The following HDAC9 variants were observed in gnomAD, a reference collection of about 807,000 sequenced individuals.
HDAC9 encodes the protein MEF-2 interacting transcription repressor (MITR) protein.
In HDAC9, 41 loss-of-function variants were observed where a neutral mutation model predicts 139.4. That is an observed-to-expected ratio of 0.29 (90% CI 0.23 to 0.38). The LOEUF is 0.38. HDAC9 is among the 10% of genes least tolerant of loss of function. HDAC9 has a pLI of 1.00. For missense variants in HDAC9, 1,147 were observed against 1,297.0 expected, an observed-to-expected ratio of 0.88 and a Z score of 1.78; for synonymous variants, 517 against 476.2, an observed-to-expected ratio of 1.09 and a Z score of -1.12.
At chr7:18,640,217 G>A (rs1268827877) in intron 8 of HDAC9, among the ~76,000 whole-genome samples, 4 of 150,192 alleles carry the variant, frequency 2.7e-5, no homozygotes, top group Admixed American at 6.6e-5. Flanking sequence ...GGGCAACATA[G>A]AAAGACCCTG....
intron 6 of HDAC9, among the ~76,000 whole-genome samples, chr7:18,608,973 G>T (rs1201510600): frequency 6.6e-6 from 1 of 152,046 alleles, no homozygotes; most frequent in Non-Finnish European, 1.5e-5. Flanking sequence ...GCCACCCGAG[G>T]AATATAGCTG....
chr7:18,692,648 C>A (rs1782752708), intron 12 of HDAC9, among the ~76,000 whole-genome samples: 1 of 152,084 alleles, frequency 6.6e-6, no homozygotes, highest in Non-Finnish European at 1.5e-5. Flanking sequence ...GTGGGCCACG[C>A]AAACTAATGG....
At chr7:18,835,877 G>A (rs747673584) in intron 20 of HDAC9, 23 bp from the exon 21 acceptor site, 9 of 1,464,682 alleles carry the variant, frequency 6.1e-6, no homozygotes, top group South Asian at 2.5e-5. Context: ...TCTGCCCACC[G>A]TGGTGTGTCT....
intron 16 of HDAC9, among the ~76,000 whole-genome samples, chr7:18,792,465 A>T (rs1792408445): frequency 6.6e-6 from 1 of 152,032 alleles, no homozygotes; most frequent in Non-Finnish European, 1.5e-5. Flanking sequence ...TAAAAATATA[A>T]CATATGATAA....
intron 17 of HDAC9, among the ~76,000 whole-genome samples, chr7:18,822,655 A>G (rs1431100896): frequency 6.6e-6 from 1 of 152,082 alleles, no homozygotes; most frequent in East Asian, 1.9e-4. Context: ...ACCTGGCCAC[A>G]TATTTCTTTT....
At chr7:18,839,048 C>G (rs1055642785) in intron 21 of HDAC9, among the ~76,000 whole-genome samples, 1 of 151,818 alleles carries the variant, frequency 6.6e-6, no homozygotes, top group Non-Finnish European at 1.5e-5. Flanking sequence ...TTATTTCTTC[C>G]AAGCAGTTAT....
intron 11 of HDAC9, among the ~76,000 whole-genome samples, chr7:18,658,472 G>T (rs1013866756): frequency 1.3e-5 from 2 of 152,114 alleles, no homozygotes; most frequent in Non-Finnish European, 1.5e-5. Context: ...AAAAGATGAA[G>T]CAGCATTTAT....
intron 1 of HDAC9, among the ~76,000 whole-genome samples, chr7:18,328,035 T>A (rs1800604859): frequency 6.6e-6 from 1 of 151,946 alleles, no homozygotes; most frequent in Non-Finnish European, 1.5e-5. Context: ...CTGGAAAACA[T>A]CAGAGTGGAA....
chr7:18,411,343 G>T (rs1788527980), intron 1 of HDAC9, among the ~76,000 whole-genome samples: 1 of 152,122 alleles, frequency 6.6e-6, no homozygotes, highest in South Asian at 2.1e-4. Flanking sequence ...TTCATTTTTA[G>T]TACAGTATTC....
intron 1 of HDAC9, among the ~76,000 whole-genome samples, chr7:18,115,662 T>C (rs2128087643): frequency 6.6e-6 from 1 of 152,364 alleles, no homozygotes; most frequent in Non-Finnish European, 1.5e-5. Context: ...CAGTAACTCA[T>C]AGCAGCTATA....
At chr7:18,278,236 G>GT (rs1284553079) in intron 2 of HDAC9, among the ~76,000 whole-genome samples, 1 of 152,138 alleles carries the variant, frequency 6.6e-6, no homozygotes, top group Non-Finnish European at 1.5e-5. Flanking sequence ...TGTGAAATGG[G>GT]TACTCAGTGA....
At chr7:18,269,222 G>C (rs1039070785) in intron 2 of HDAC9, among the ~76,000 whole-genome samples, 3 of 152,042 alleles carry the variant, frequency 2.0e-5, no homozygotes, top group African/African-American at 7.2e-5. Flanking sequence ...ATGTAACGTG[G>C]AATATATATA....
At chr7:18,733,327 A>T (rs777180226) in intron 13 of HDAC9, among the ~76,000 whole-genome samples, 7 of 150,190 alleles carry the variant, frequency 4.7e-5, no homozygotes, top group Non-Finnish European at 8.9e-5. Flanking sequence ...ATACACATGT[A>T]TATATGTGTA....
Position 18,477,410 on chromosome 7 carries a change from CGT to C in HDAC9, c.-41-18838_-41-18837del, listed in dbSNP as rs141824569. 8.5e-4 allele frequency among the ~76,000 whole-genome samples: 129 copies of C among 151,044 alleles called. 1 individual carries two copies. Among genetic ancestry groups the C allele is most frequent in the African/African-American group, 2.8e-3 (114 of 41,194 alleles). On this transcript the variant is annotated intron_variant, in intron 1 of 3. Coordinates refer to the HDAC9 transcript ENST00000413509. ...TTATGTGTGCGTGCGTGCGTGCATG[CGT>C]GTGTGTGTGTGTGAAACAAATACAC...
chr7:18,339,748 A>G (rs548986873), intron 1 of HDAC9, among the ~76,000 whole-genome samples: 106 of 151,666 alleles, frequency 7.0e-4, no homozygotes, highest in African/African-American at 2.2e-3. Context: ...GGGATTAAAA[A>G]CATAACTTCT....
chr7:18,857,864 C>A (rs1434537151), intron 21 of HDAC9, among the ~76,000 whole-genome samples: 1 of 151,982 alleles, frequency 6.6e-6, no homozygotes, highest in Non-Finnish European at 1.5e-5. Context: ...TTCCCATTTT[C>A]AATGGGAATT....
intron 2 of HDAC9, among the ~76,000 whole-genome samples, chr7:18,572,639 A>G (rs1189978970): frequency 6.6e-6 from 1 of 152,120 alleles, no homozygotes; most frequent in Non-Finnish European, 1.5e-5. Context: ...AAACATTAAA[A>G]TTTTGAATCT....
chr7:18,233,219 T>A (rs768586946), intron 2 of HDAC9, among the ~76,000 whole-genome samples: 8 of 152,124 alleles, frequency 5.3e-5, no homozygotes, highest in Non-Finnish European at 1.2e-4. Flanking sequence ...TGTCTAATAA[T>A]TTGAGATGAA....
intron 17 of HDAC9, among the ~76,000 whole-genome samples, chr7:18,828,195 G>C (rs1795594009): frequency 6.6e-6 from 1 of 151,898 alleles, no homozygotes. Flanking sequence ...TAAAAGTTTT[G>C]AAAAAAAGTC....
Sources: gnomAD v4.1 joint callset for allele counts (sites outside exome capture counted in the v4.1 genomes callset) on GRCh38, gnomAD v4.1.1 for gene constraint, MANE v1.5 for transcripts, NCBI Gene and HGNC (gene_info 2026-07-23, HGNC 2026-07-21) for gene names.